The following LRPPRC variants were observed in gnomAD, a reference collection of about 807,000 sequenced individuals.
LRPPRC encodes the protein leucine-rich PPR motif-containing protein, mitochondrial.
A neutral mutation model predicts 180.3 loss-of-function variants in LRPPRC; 120 were observed. The observed-to-expected ratio is 0.67, with a 90% CI of 0.57 to 0.77. The LOEUF (loss-of-function observed/expected upper bound fraction) is 0.77, where lower values mean the gene tolerates loss of function less well. LRPPRC is among the 30% of genes least tolerant of loss of function. LRPPRC has a pLI of 0.00. For synonymous variants in LRPPRC, 723 were observed against 600.0 expected (o/e 1.21, Z -3.00); for missense variants, 2,012 against 1,657.2 (o/e 1.21, Z -3.72).
intron 12 of LRPPRC, among the ~76,000 whole-genome samples, chr2:43,961,721 G>A (rs1022671665): frequency 3.3e-5 from 5 of 152,194 alleles, no homozygotes; most frequent in South Asian, 4.1e-4. Context: ...AGCATTTTGC[G>A]AAGCCTAGGC....
chr2:43,935,902 G>A (rs907795067), intron 23 of LRPPRC, among the ~76,000 whole-genome samples: 9 of 152,036 alleles, frequency 5.9e-5, no homozygotes, highest in Non-Finnish European at 1.2e-4. Flanking sequence ...CACCTGAGGT[G>A]GAGAAACCCC....
intron 26 of LRPPRC, 29 bp from the exon 27 acceptor site, chr2:43,925,186 A>G (rs1558949992): frequency 3.7e-6 from 4 of 1,078,536 alleles, no homozygotes; most frequent in Admixed American, 1.7e-5. Flanking sequence ...AGATAGATCT[A>G]CCTTGTGTAA....
intron 34 of LRPPRC, among the ~76,000 whole-genome samples, chr2:43,898,234 G>A (rs1025749964): frequency 6.6e-6 from 1 of 151,968 alleles, no homozygotes; most frequent in South Asian, 2.1e-4. Flanking sequence ...CAGTTTTTCA[G>A]GTATTCCTTT....
In LRPPRC at chr2:43,912,496, T is replaced by G; in HGVS notation, c.3211A>C (p.Ser1071Arg). 1 of 1,598,084 alleles carries G rather than the reference T, an allele frequency of 6.3e-7. No individual in the cohort carries two copies. Among genetic ancestry groups the G allele is most frequent in the South Asian group, 1.1e-5 (1 of 90,716 alleles). The change falls in exon 30 of 38, where the codon AGC (serine) becomes CGC (arginine). Residue 1071 changes from serine to arginine, a missense_variant. Ser to Arg is a moderately radical substitution (Grantham distance 110). Coordinates refer to ENST00000260665, the MANE Select transcript of LRPPRC (RefSeq NM_133259.4). ...GACATCAGTAATTTAATGAGATTGC[T>G]GTAGGTTTCAGCATTAAACACAATG... ...QNIVFNAETYSNLIKLLMSED... is the reference protein window; with the variant it reads ...QNIVFNAETYRNLIKLLMSED...
intron 30 of LRPPRC, among the ~76,000 whole-genome samples, chr2:43,911,121 A>C: frequency 6.7e-6 from 1 of 149,742 alleles, no homozygotes; most frequent in East Asian, 2.0e-4. Context: ...TTTCCAAGTC[A>C]CTAATTAAGG....
chr2:43,943,617 T>C, intron 23 of LRPPRC, 70 bp downstream of exon 23: 2 of 1,292,032 alleles, frequency 1.5e-6, no homozygotes, highest in Non-Finnish European at 2.3e-6. Flanking sequence ...ATTTATAAAG[T>C]ATAATCCGAA....
intron 11 of LRPPRC, among the ~76,000 whole-genome samples, chr2:43,968,762 G>C (rs1673669651): frequency 1.3e-5 from 2 of 152,178 alleles, no homozygotes; most frequent in South Asian, 4.1e-4. Flanking sequence ...CGAACTTTCT[G>C]TTAATAAGAT....
At chr2:43,980,568 A>AG (rs1469911067) in intron 2 of LRPPRC, among the ~76,000 whole-genome samples, 2 of 86,352 alleles carry the variant, frequency 2.3e-5, no homozygotes, top group African/African-American at 1.2e-4. Flanking sequence ...AAAAAAAAAA[A>AG]AAGAAGAAAG....
At chr2:43,963,385 A>C in intron 12 of LRPPRC, 1 of 618,688 alleles carries the variant, frequency 1.6e-6, no homozygotes, top group South Asian at 2.0e-5. Context: ...CAAAGGTTGC[A>C]GTGAGCCAAG....
intron 25 of LRPPRC, among the ~76,000 whole-genome samples, chr2:43,930,599 G>A (rs370500845): frequency 6.6e-6 from 1 of 152,078 alleles, no homozygotes; most frequent in African/African-American, 2.4e-5. Flanking sequence ...TCTCCTTTGA[G>A]AAAAACTTTC....
intron 1 of LRPPRC, among the ~76,000 whole-genome samples, chr2:43,983,480 T>C (rs1674399546): frequency 6.6e-6 from 1 of 152,102 alleles, no homozygotes; most frequent in African/African-American, 2.4e-5. Flanking sequence ...TAAAAAATAA[T>C]TCTTATGTGT....
At chr2:43,970,873 G>C (rs1484717044) in intron 11 of LRPPRC, among the ~76,000 whole-genome samples, 2 of 152,162 alleles carry the variant, frequency 1.3e-5, no homozygotes, top group African/African-American at 4.8e-5. Flanking sequence ...GCTGTGGCGG[G>C]TGATCACGTG....
intron 31 of LRPPRC, among the ~76,000 whole-genome samples, chr2:43,905,470 T>C (rs575333528): frequency 4.3e-4 from 66 of 152,242 alleles, no homozygotes; most frequent in Non-Finnish European, 7.5e-4. Flanking sequence ...TTGTGTTAAA[T>C]GGAATGGAAA....
In LRPPRC at chr2:43,918,298, G is replaced by A. The variant is rs1278542435; in HGVS notation, c.2997C>T (p.Ile999=). The change falls in exon 28 of 38, where the codon ATC becomes ATT. Residue 999 remains isoleucine (I), a synonymous_variant. Coordinates refer to ENST00000260665, the MANE Select transcript of LRPPRC (RefSeq NM_133259.4). ...GAACTTCCTGGTTACCCTCTCTAAGGATTTCTGCTAATAATCTTAATGTCT... is the reference window on the plus strand; with the variant it reads ...GAACTTCCTGGTTACCCTCTCTAAGAATTTCTGCTAATAATCTTAATGTCT... The part of the protein sequence containing the change: ...REKTLRLLAE[I]LREGNQEVPF... 1 of 1,612,240 alleles carries A rather than the reference G, an allele frequency of 6.2e-7. No homozygotes were observed. Among genetic ancestry groups the A allele is most frequent in the Admixed American group, 1.7e-5 (1 of 60,006 alleles).
intron 13 of LRPPRC, among the ~76,000 whole-genome samples, chr2:43,958,155 C>G (rs553232129): frequency 6.6e-6 from 1 of 152,178 alleles, no homozygotes; most frequent in Non-Finnish European, 1.5e-5. Flanking sequence ...CTTCACATAA[C>G]CCTTGCCAAA....
chr2:43,954,133 T>G (rs374348851), intron 14 of LRPPRC, among the ~76,000 whole-genome samples: 58 of 152,324 alleles, frequency 3.8e-4, no homozygotes, highest in African/African-American at 1.1e-3. Flanking sequence ...CTCCTTCCAG[T>G]AACTATCCAA....
chr2:43,948,233 G>C (rs768645290), intron 17 of LRPPRC, 34 bp from the exon 18 acceptor site: 3 of 1,208,688 alleles, frequency 2.5e-6, no homozygotes, highest in Non-Finnish European at 3.7e-6. Context: ...GAAAAAACCT[G>C]AGTTTTAGAC....
chr2:43,900,864 C>T (rs570525940), intron 32 of LRPPRC, among the ~76,000 whole-genome samples: 3 of 152,098 alleles, frequency 2.0e-5, no homozygotes, highest in African/African-American at 7.2e-5. Context: ...CTCTAAATAC[C>T]TCCCTTTTTG....
intron 26 of LRPPRC, 65 bp from the exon 27 acceptor site, chr2:43,925,222 A>T: frequency 1.2e-6 from 1 of 868,124 alleles, no homozygotes; most frequent in South Asian, 1.3e-5. Context: ...GTTAACAAAT[A>T]GCAGTGGAAT....
Sources: allele counts gnomAD v4.1 joint callset (sites outside exome capture counted in the v4.1 genomes callset), GRCh38; gene constraint gnomAD v4.1.1; transcripts MANE v1.5; gene names NCBI Gene and HGNC (gene_info 2026-07-23, HGNC 2026-07-21).